Variants in USP32 observed in about 807,000 individuals in gnomAD.
USP32 encodes ubiquitin carboxyl-terminal hydrolase 32.
In USP32, 59 loss-of-function variants were observed where a neutral mutation model predicts 204.8. The ratio of observed to expected loss-of-function variants is 0.29; its 90% CI spans 0.23 to 0.36. USP32 has a LOEUF of 0.36. USP32 is among the 10% of genes least tolerant of loss of function. The pLI, the probability that USP32 is intolerant of heterozygous loss-of-function variation, is 1.00. For missense variants in USP32, 1,160 were observed against 1,946.4 expected, an observed-to-expected ratio of 0.60 and a Z score of 7.60; for synonymous variants, 517 against 678.4, an observed-to-expected ratio of 0.76 and a Z score of 3.70.
intron 16 of USP32, among the ~76,000 whole-genome samples, chr17:60,215,726 G>A (rs1433241661): frequency 1.3e-5 from 2 of 151,964 alleles, no homozygotes; most frequent in Non-Finnish European, 2.9e-5. Context: ...TTCTAAATAG[G>A]TATAGACTCT....
intron 1 of USP32, chr17:60,421,597 G>T: frequency 6.1e-6 from 6 of 983,748 alleles, no homozygotes; most frequent in Non-Finnish European, 7.2e-6. Context: ...AAACTGCGGG[G>T]GCAACGGTCT....
chr17:60,239,178 G>A (rs974249508), intron 11 of USP32, among the ~76,000 whole-genome samples: 2 of 152,062 alleles, frequency 1.3e-5, no homozygotes, highest in African/African-American at 4.8e-5. Flanking sequence ...TGGATTCCAT[G>A]CTTTCTGATG....
intron 1 of USP32, among the ~76,000 whole-genome samples, chr17:60,373,622 G>A (rs2089486072): frequency 6.6e-6 from 1 of 151,716 alleles, no homozygotes; most frequent in Non-Finnish European, 1.5e-5. Flanking sequence ...GCTAATTTTT[G>A]TATATTTTAG....
At chr17:60,412,982 T>C (rs937543735) in intron 1 of USP32, among the ~76,000 whole-genome samples, 1 of 152,198 alleles carries the variant, frequency 6.6e-6, no homozygotes, top group Non-Finnish European at 1.5e-5. Context: ...TTCTGCAGTG[T>C]TATTTTGATA....
chr17:60,391,986 C>T lies in USP32; in HGVS notation c.-47G>A. ...GGGGGTCGGAGCCTGATCTCGCCCC[C>T]ACCCCCCTCCCGCCTTCTCCTCGGC... On this transcript the variant is annotated 5_prime_UTR_variant, in exon 1 of 34. Transcript: ENST00000300896. 6.3e-7 allele frequency: 1 copy of T among 1,582,526 alleles called. No homozygotes were observed. The highest frequency in any genetic ancestry group is 8.6e-7 in the Non-Finnish European group (1 of 1,163,832).
chr17:60,192,935 A>T lies in USP32; in HGVS notation c.3435-5T>A. 1.2e-6 allele frequency: 2 copies of T among 1,613,320 alleles called. No homozygotes were observed. Among genetic ancestry groups the T allele is most frequent in the Non-Finnish European group, 8.5e-7 (1 of 1,179,338 alleles). ...TGATAGCCCATACTGTCGTCACTGA[A>T]ACAGAAGAGAACAAAAAGAGTGTAA... On this transcript the variant is annotated splice_region_variant and splice_polypyrimidine_tract_variant and intron_variant, in intron 27 of 33. Transcript: ENST00000300896.
intron 27 of USP32, among the ~76,000 whole-genome samples, chr17:60,196,824 C>CA (rs1203731169): frequency 6.6e-6 from 1 of 151,374 alleles, no homozygotes; most frequent in South Asian, 2.1e-4. Flanking sequence ...GACTCTGTGT[C>CA]AAAAAAATAC....
intron 1 of USP32, among the ~76,000 whole-genome samples, chr17:60,361,622 G>T (rs181103515): frequency 1.3e-5 from 2 of 151,998 alleles, no homozygotes; most frequent in Admixed American, 6.6e-5. Context: ...GCTTTTCCTA[G>T]CCTCTTGTTC....
chr17:60,341,260 G>A (rs1029484930), intron 2 of USP32, among the ~76,000 whole-genome samples: 9 of 152,224 alleles, frequency 5.9e-5, no homozygotes, highest in Non-Finnish European at 1.0e-4. Context: ...CCTAAAGAGT[G>A]TTTTCCAGCT....
At chr17:60,331,997 C>T (rs925800973) in intron 2 of USP32, among the ~76,000 whole-genome samples, 2 of 152,148 alleles carry the variant, frequency 1.3e-5, no homozygotes, top group Non-Finnish European at 2.9e-5. Context: ...AAACCTAGCA[C>T]TTTGGGAGGC....
chr17:60,305,679 T>G (rs2087705249), intron 2 of USP32, among the ~76,000 whole-genome samples: 1 of 151,998 alleles, frequency 6.6e-6, no homozygotes. Flanking sequence ...AAACACTGAG[T>G]TTTTGGCATC....
chr17:60,303,940 T>C (rs542881941), intron 2 of USP32, among the ~76,000 whole-genome samples: 54 of 152,104 alleles, frequency 3.6e-4, no homozygotes, highest in Non-Finnish European at 7.1e-4. Flanking sequence ...ATATCAATGA[T>C]GTAACATTCA....
intron 6 of USP32, among the ~76,000 whole-genome samples, chr17:60,270,888 T>C (rs951220362): frequency 6.6e-6 from 1 of 151,740 alleles, no homozygotes; most frequent in African/African-American, 2.4e-5. Context: ...GGAGATGGTC[T>C]AGTCCAATAG....
chr17:60,324,038 T>C (rs892521029), intron 2 of USP32, among the ~76,000 whole-genome samples: 17 of 152,196 alleles, frequency 1.1e-4, no homozygotes, highest in African/African-American at 3.4e-4. Flanking sequence ...ACCAGCACTT[T>C]GGAAGGCCAA....
At chr17:60,282,596 C>T (rs1234262340) in intron 5 of USP32, among the ~76,000 whole-genome samples, 3 of 152,198 alleles carry the variant, frequency 2.0e-5, no homozygotes, top group African/African-American at 7.2e-5. Context: ...TCGTGATCCA[C>T]CCATCTCGGC....
intron 5 of USP32, among the ~76,000 whole-genome samples, chr17:60,279,022 G>A (rs1265215567): frequency 1.3e-5 from 2 of 152,174 alleles, no homozygotes; most frequent in African/African-American, 4.8e-5. Context: ...ATTCAAAGTA[G>A]AATCAGAGGA....
intron 4 of USP32, among the ~76,000 whole-genome samples, chr17:60,289,391 T>C (rs2087211542): frequency 2.6e-5 from 4 of 152,212 alleles, no homozygotes; most frequent in African/African-American, 4.8e-5. Flanking sequence ...TCTGCCTGAG[T>C]TACTATATCT....
intron 1 of USP32, among the ~76,000 whole-genome samples, chr17:60,402,320 G>A (rs551483476): frequency 2.1e-4 from 31 of 148,310 alleles, no homozygotes; most frequent in South Asian, 1.9e-3. Flanking sequence ...GTGCAATCAT[G>A]GCTCATTGCA....
chr17:60,308,205 A>G (rs2087773829), intron 2 of USP32, among the ~76,000 whole-genome samples: 1 of 152,206 alleles, frequency 6.6e-6, no homozygotes, highest in Non-Finnish European at 1.5e-5. Context: ...CCCTTGCGAT[A>G]ATGCAGAGGG....
Sources: gnomAD v4.1 joint callset for allele counts (sites outside exome capture counted in the v4.1 genomes callset) on GRCh38, gnomAD v4.1.1 for gene constraint, MANE v1.5 for transcripts, NCBI Gene and HGNC (gene_info 2026-07-23, HGNC 2026-07-21) for gene names.